The following NUP37 variants were observed in gnomAD, a reference collection of about 807,000 sequenced individuals.
NUP37 encodes the protein nucleoporin Nup37.
Under a neutral mutation model 45.4 loss-of-function variants are expected in NUP37, and 33 were observed. The ratio of observed to expected loss-of-function variants is 0.73; its 90% CI spans 0.55 to 0.97. The LOEUF is 0.97. Among genes scored for constraint, NUP37 ranks in the 50% least tolerant of loss-of-function variants. NUP37 has a pLI of 0.00. For missense variants in NUP37, 365 were observed against 389.7 expected, an observed-to-expected ratio of 0.94 and a Z score of 0.53; for synonymous variants, 127 against 130.7, an observed-to-expected ratio of 0.97 and a Z score of 0.19.
intron 1 of NUP37, among the ~76,000 whole-genome samples, chr12:102,119,816 T>C (rs947600425): frequency 6.6e-6 from 1 of 152,154 alleles, no homozygotes; most frequent in African/African-American, 2.4e-5. Context: ...ACCGTACACG[T>C]TGGACAGGAC....
intron 5 of NUP37, among the ~76,000 whole-genome samples, chr12:102,091,158 A>G (rs146721931): frequency 6.6e-6 from 1 of 152,074 alleles, no homozygotes; most frequent in Non-Finnish European, 1.5e-5. Flanking sequence ...ACACCTTGGG[A>G]GGCTGAGGCA....
In NUP37 at chr12:102,086,425, T is replaced by C. The variant is rs57070640; in HGVS notation, c.450-569A>G. The stretch of plus-strand genomic sequence containing the variant: ...ACTTCCTATTTATACCTTTTGTAAT[T>C]TGGCTTACTTTTCCAGTTTTCTCTC... On this transcript the variant is annotated intron_variant, in intron 5 of 9. Transcript: ENST00000552283. Among the ~76,000 whole-genome samples the C allele has an allele frequency of 3.2e-3, 483 of 152,346 alleles. 2 individuals are homozygous for C. The highest frequency in any genetic ancestry group is 0.011 in the African/African-American group (450 of 41,572).
rs192719462 is a variant in NUP37, at chr12:102,089,015, C to T, written c.450-3159G>A. On this transcript the variant is annotated intron_variant, in intron 5 of 9. Coordinates refer to ENST00000552283, the MANE Select transcript of NUP37 (RefSeq NM_024057.4). ...TTGACACAGCACGTTTCAGAGAGCA[C>T]GGGGTTGGGGGTAAGGTTATAGATT... Among the ~76,000 whole-genome samples the T allele has an allele frequency of 5.1e-4, 78 of 152,170 alleles. 3 individuals carry two copies. The highest frequency in any genetic ancestry group is 1.5e-4 in the Non-Finnish European group (10 of 68,006).
chr12:102,077,130 G>C, intron 7 of NUP37, 192 bp downstream of exon 7: 1 of 641,690 alleles, frequency 1.6e-6, no homozygotes. Flanking sequence ...TGTCCTTTCT[G>C]GGTTACTCCC....
intron 4 of NUP37, among the ~76,000 whole-genome samples, chr12:102,099,718 C>G (rs1037706785): frequency 1.3e-5 from 2 of 152,088 alleles, no homozygotes; most frequent in Non-Finnish European, 2.9e-5. Flanking sequence ...TTGTTATAAG[C>G]CCATAGTTAT....
intron 3 of NUP37, among the ~76,000 whole-genome samples, chr12:102,106,490 G>C (rs1302180510): frequency 6.6e-6 from 1 of 152,058 alleles, no homozygotes; most frequent in Non-Finnish European, 1.5e-5. Flanking sequence ...TAAAAACTCA[G>C]GGCTCAGTTT....
Position 102,077,452 on chromosome 12 carries a change from G to T in NUP37, c.592C>A (p.Gln198Lys), listed in dbSNP as rs756730460. 1 of 1,613,912 alleles carries T rather than the reference G, an allele frequency of 6.2e-7. No homozygotes were observed. The highest frequency in any genetic ancestry group is 8.5e-7 in the Non-Finnish European group (1 of 1,179,992). Residue 198 changes from glutamine to lysine, a missense_variant, in exon 7 of 10, where the codon CAA (glutamine) becomes AAA (lysine). Transcript: ENST00000552283. ...GTIRFYDLLA[Q>K]QAILSLESEQ... ...GATTCAAGAGATAAAATAGCCTGTTGGGCCAAAAGATCATAAAACCGGATT... is the reference window on the plus strand; with the variant it reads ...GATTCAAGAGATAAAATAGCCTGTTTGGCCAAAAGATCATAAAACCGGATT...
At chr12:102,097,273 AT>A (rs1412164449) in intron 5 of NUP37, among the ~76,000 whole-genome samples, 4 of 151,918 alleles carry the variant, frequency 2.6e-5, no homozygotes, top group Non-Finnish European at 5.9e-5. Flanking sequence ...GAAAGCAAAT[AT>A]TTGTTGAACA....
At chr12:102,076,398 T>G (rs1166282884) in intron 8 of NUP37, among the ~76,000 whole-genome samples, 1 of 152,138 alleles carries the variant, frequency 6.6e-6, no homozygotes, top group African/African-American at 2.4e-5. Flanking sequence ...TTAATTTAAG[T>G]GAAAAGCAAA....
chr12:102,101,389 C>G (rs1879967850), intron 3 of NUP37, among the ~76,000 whole-genome samples: 4 of 152,114 alleles, frequency 2.6e-5, no homozygotes, highest in Admixed American at 2.6e-4. Context: ...TACACTAAAT[C>G]AGCACTTGAA....
At position 102,106,802 on chromosome 12, in the gene NUP37, A is replaced by G. The variant is rs546218388; in HGVS notation, c.281+5306T>C. Among the ~76,000 whole-genome samples, 3 of 152,334 alleles carry G rather than the reference A, an allele frequency of 2.0e-5. No homozygotes were observed. The South Asian group carries it at 6.2e-4, about 32-fold the overall frequency. On this transcript the variant is annotated intron_variant, in intron 3 of 9. Coordinates refer to ENST00000552283, the MANE Select transcript of NUP37 (RefSeq NM_024057.4). ...CAACTTCCCCACAGAACTAATGTTC[A>G]TGGTTTGGAGATAATTACAGAGATT...
intron 5 of NUP37, among the ~76,000 whole-genome samples, chr12:102,090,583 C>T (rs1879621333): frequency 6.6e-6 from 1 of 151,872 alleles, no homozygotes; most frequent in Non-Finnish European, 1.5e-5. Flanking sequence ...TGCCAACTAA[C>T]TAAAGGTTAA....
chr12:102,092,425 C>T (rs184687526), intron 5 of NUP37, among the ~76,000 whole-genome samples: 1 of 152,262 alleles, frequency 6.6e-6, no homozygotes, highest in East Asian at 1.9e-4. Context: ...TTTACAATGT[C>T]ACTGGTACAG....
At chr12:102,090,215 T>A (rs1257631418) in intron 5 of NUP37, among the ~76,000 whole-genome samples, 1 of 152,204 alleles carries the variant, frequency 6.6e-6, no homozygotes, top group African/African-American at 2.4e-5. Flanking sequence ...GCTCTTATTT[T>A]GTAAGGTACA....
intron 5 of NUP37, among the ~76,000 whole-genome samples, chr12:102,098,496 T>A (rs1879876869): frequency 6.6e-6 from 1 of 152,104 alleles, no homozygotes; most frequent in Non-Finnish European, 1.5e-5. Flanking sequence ...CTCCTACTTA[T>A]CTTGTCCAAT....
intron 3 of NUP37, among the ~76,000 whole-genome samples, chr12:102,101,944 C>T (rs1022156298): frequency 1.3e-5 from 2 of 152,172 alleles, no homozygotes; most frequent in South Asian, 4.1e-4. Flanking sequence ...AGGCTGGTCT[C>T]GAACTCCTGA....
At chr12:102,117,148 C>T (rs190883845) in intron 2 of NUP37, among the ~76,000 whole-genome samples, 2 of 151,858 alleles carry the variant, frequency 1.3e-5, no homozygotes, top group East Asian at 3.9e-4. Context: ...TTGAGAAATA[C>T]GGTTCTATTA....
intron 3 of NUP37, among the ~76,000 whole-genome samples, chr12:102,110,376 C>T (rs1278627508): frequency 1.3e-5 from 2 of 150,756 alleles, no homozygotes; most frequent in Non-Finnish European, 3.0e-5. Context: ...TGGTGCATGC[C>T]TGTAGTTCCA....
At chr12:102,103,997 C>T (rs1305675953) in intron 3 of NUP37, among the ~76,000 whole-genome samples, 2 of 152,104 alleles carry the variant, frequency 1.3e-5, no homozygotes, top group South Asian at 2.1e-4. Context: ...CAAAATAATA[C>T]TGCAAGTTAG....
Sources: allele counts gnomAD v4.1 joint callset (sites outside exome capture counted in the v4.1 genomes callset), GRCh38; gene constraint gnomAD v4.1.1; transcripts MANE v1.5; gene names NCBI Gene and HGNC (gene_info 2026-07-23, HGNC 2026-07-21).